Variants in RALYL observed in about 807,000 individuals in gnomAD.
The protein encoded by RALYL is RALY RNA binding protein like.
RALYL carries 29 observed loss-of-function variants against 35.1 expected under a neutral mutation model. The observed-to-expected ratio is 0.83, with a 90% CI of 0.61 to 1.13. The LOEUF (loss-of-function observed/expected upper bound fraction) is 1.13. Among genes scored for constraint, RALYL ranks in the 50% most tolerant of loss-of-function variants. RALYL has a pLI of 0.00. For synonymous variants in RALYL, 120 were observed against 127.6 expected, an observed-to-expected ratio of 0.94 and a Z score of 0.40; for missense variants, 359 against 360.4, an observed-to-expected ratio of 1.00 and a Z score of 0.03.
At chr8:84,549,661 A>G (rs896959110) in intron 2 of RALYL, among the ~76,000 whole-genome samples, 4 of 152,212 alleles carry the variant, frequency 2.6e-5, no homozygotes, top group African/African-American at 4.8e-5. Flanking sequence ...GAATGCAGAT[A>G]TGCATGAGAG....
intron 4 of RALYL, among the ~76,000 whole-genome samples, chr8:84,834,153 G>A (rs921188043): frequency 7.9e-5 from 12 of 152,136 alleles, no homozygotes; most frequent in South Asian, 2.1e-4. Context: ...CTTCGACTAC[G>A]TGTCACATAT....
At chr8:84,321,037 G>A (rs931457507) in intron 1 of RALYL, among the ~76,000 whole-genome samples, 2 of 152,024 alleles carry the variant, frequency 1.3e-5, no homozygotes, top group Admixed American at 6.6e-5. Flanking sequence ...CAGGGGTTAG[G>A]GGAGACTTCT....
At chr8:84,692,641 T>A (rs1254421236) in intron 2 of RALYL, among the ~76,000 whole-genome samples, 2 of 152,074 alleles carry the variant, frequency 1.3e-5, no homozygotes, top group African/African-American at 4.8e-5. Context: ...CTGGTATTCA[T>A]CCTTTTGCTG....
intron 4 of RALYL, chr8:84,829,251 C>G (rs1431462905): frequency 6.6e-6 from 1 of 152,234 alleles, no homozygotes; most frequent in African/African-American, 2.4e-5. Flanking sequence ...ATTCAGTTAC[C>G]TCCCACTGGC....
chr8:84,450,083 T>C, intron 1 of RALYL, among the ~76,000 whole-genome samples: 1 of 151,906 alleles, frequency 6.6e-6, no homozygotes, highest in Middle Eastern at 3.4e-3. Flanking sequence ...AGTTCTATAA[T>C]TATTTTAATT....
intron 1 of RALYL, among the ~76,000 whole-genome samples, chr8:84,449,085 T>G (rs796081493): frequency 1.1e-4 from 16 of 151,362 alleles, no homozygotes; most frequent in Middle Eastern, 3.4e-3. Flanking sequence ...TTTGTTTTTT[T>G]TTTTTTTTTG....
At chr8:84,304,758 A>C (rs2132423195) in intron 1 of RALYL, among the ~76,000 whole-genome samples, 1 of 152,340 alleles carries the variant, frequency 6.6e-6, no homozygotes, top group African/African-American at 2.4e-5. Flanking sequence ...AAAGTTGACC[A>C]AAACAAAACA....
intron 2 of RALYL, among the ~76,000 whole-genome samples, chr8:84,709,121 C>A (rs964046195): frequency 6.6e-5 from 10 of 152,094 alleles, no homozygotes; most frequent in African/African-American, 2.4e-4. Flanking sequence ...ATAGTCTTGG[C>A]CAATTATCTA....
intron 2 of RALYL, among the ~76,000 whole-genome samples, chr8:84,644,805 G>A (rs1258942527): frequency 6.6e-6 from 1 of 151,502 alleles, no homozygotes; most frequent in Non-Finnish European, 1.5e-5. Context: ...GGGCTGGAGT[G>A]CAGTGGTTCA....
At chr8:84,761,304 T>TG (rs34774670) in intron 2 of RALYL, among the ~76,000 whole-genome samples, 50,085 of 151,692 alleles carry the variant, frequency 0.33, 9,934 homozygotes, top group African/African-American at 0.56. Context: ...AAATTAATTT[T>TG]CAGAAAAATA....
At chr8:84,349,062 C>T (rs1468566192) in intron 1 of RALYL, among the ~76,000 whole-genome samples, 1 of 150,144 alleles carries the variant, frequency 6.7e-6, no homozygotes, top group South Asian at 2.1e-4. Context: ...TGAGATCAAC[C>T]TATGGATAGT....
At chr8:84,887,107 A>G (rs1304469619) in intron 7 of RALYL, among the ~76,000 whole-genome samples, 1 of 128,730 alleles carries the variant, frequency 7.8e-6, no homozygotes, top group Non-Finnish European at 1.5e-5. Context: ...GAAAAACAAC[A>G]TATTTGCTTT....
intron 2 of RALYL, among the ~76,000 whole-genome samples, chr8:84,768,446 T>C (rs1455394285): frequency 6.6e-6 from 1 of 152,196 alleles, no homozygotes; most frequent in Non-Finnish European, 1.5e-5. Context: ...ATGGAATCCT[T>C]TCTGCCCCTT....
chr8:84,644,809 T>A (rs2131418667), intron 2 of RALYL, among the ~76,000 whole-genome samples: 1 of 152,038 alleles, frequency 6.6e-6, no homozygotes, highest in East Asian at 1.9e-4. Flanking sequence ...TGGAGTGCAG[T>A]GGTTCAATTT....
intron 2 of RALYL, among the ~76,000 whole-genome samples, chr8:84,671,397 T>C (rs1246564707): frequency 6.6e-6 from 1 of 152,154 alleles, no homozygotes; most frequent in African/African-American, 2.4e-5. Flanking sequence ...CACTAGGCAG[T>C]GCCCCAGTGG....
intron 4 of RALYL, among the ~76,000 whole-genome samples, chr8:84,824,357 T>C (rs1829193420): frequency 1.3e-5 from 2 of 151,678 alleles, no homozygotes; most frequent in Non-Finnish European, 2.9e-5. Flanking sequence ...AAAGAAATCA[T>C]ACATGACACA....
At chr8:84,597,511 G>A (rs1442565881) in intron 2 of RALYL, among the ~76,000 whole-genome samples, 2 of 151,948 alleles carry the variant, frequency 1.3e-5, no homozygotes, top group East Asian at 3.9e-4. Flanking sequence ...ACTGTAATAG[G>A]TTTCTGTGAC....
chr8:84,784,616 T>C (rs1818940270), intron 3 of RALYL, among the ~76,000 whole-genome samples: 1 of 152,134 alleles, frequency 6.6e-6, no homozygotes, highest in African/African-American at 2.4e-5. Flanking sequence ...GGCTTATAGG[T>C]TTTTTAAGTG....
At chr8:84,323,132 C>G (rs999325471) in intron 1 of RALYL, among the ~76,000 whole-genome samples, 2 of 151,976 alleles carry the variant, frequency 1.3e-5, no homozygotes, top group Admixed American at 1.3e-4. Context: ...ATAACTTATT[C>G]AGCTTCGTTT....
Sources: gnomAD v4.1 joint callset for allele counts (sites outside exome capture counted in the v4.1 genomes callset) on GRCh38, gnomAD v4.1.1 for gene constraint, MANE v1.5 for transcripts, NCBI Gene and HGNC (gene_info 2026-07-23, HGNC 2026-07-21) for gene names.